NHS: variants seen among roughly 807,000 people sequenced by gnomAD.
NHS encodes NHS actin remodeling regulator.
In NHS, 5 loss-of-function variants were observed where a neutral mutation model predicts 72.5. That is an observed-to-expected ratio of 0.07 (90% CI 0.04 to 0.14). The LOEUF (loss-of-function observed/expected upper bound fraction) is 0.14. Ranked by LOEUF, NHS falls within the 10% of genes least tolerant of loss-of-function variation. The probability of loss-of-function intolerance (pLI) is 1.00; values close to 1 mark genes in which losing one functional copy is unlikely to be tolerated. For synonymous variants in NHS, 464 were observed against 547.7 expected (o/e 0.85, Z 2.13); for missense variants, 1,072 against 1,355.7 (o/e 0.79, Z 3.29).
At chrX:17,441,397 C>T (rs1453680610) in intron 1 of NHS, among the ~76,000 whole-genome samples, 3 of 112,270 alleles carry the variant, frequency 2.7e-5, no homozygotes, top group African/African-American at 6.5e-5. Flanking sequence ...GCACCTTACA[C>T]GATTCTCTTT....
intron 1 of NHS, among the ~76,000 whole-genome samples, chrX:17,679,862 G>C (rs760998103): frequency 6.1e-5 from 6 of 98,035 alleles, no homozygotes; most frequent in South Asian, 5.3e-4. Context: ...TGAAGAAAGG[G>C]GGGGGGGGTG....
At chrX:17,436,586 G>A (rs1187551606) in intron 1 of NHS, among the ~76,000 whole-genome samples, 4 of 106,603 alleles carry the variant, frequency 3.8e-5, no homozygotes, top group South Asian at 4.2e-4. Context: ...CCATTTTGCC[G>A]GGAGATTCTT....
chrX:17,461,839 G>A (rs1372804690), intron 1 of NHS, among the ~76,000 whole-genome samples: 1 of 112,506 alleles, frequency 8.9e-6, no homozygotes, highest in Non-Finnish European at 1.9e-5. Flanking sequence ...ATTGGTCAGG[G>A]TGACTTAATT....
chrX:17,435,545 T>C (rs2064717897), intron 1 of NHS, among the ~76,000 whole-genome samples: 1 of 112,302 alleles, frequency 8.9e-6, no homozygotes, highest in Non-Finnish European at 1.9e-5. Flanking sequence ...TCTCCTCCCC[T>C]GCCCTTGGTG....
intron 1 of NHS, among the ~76,000 whole-genome samples, chrX:17,640,794 A>C (rs1210130252): frequency 8.9e-6 from 1 of 112,454 alleles, no homozygotes; most frequent in Admixed American, 9.4e-5. Flanking sequence ...TTTTCGAATA[A>C]GGATGTGTTT....
chrX:17,602,684 CT>C (rs150537632), intron 1 of NHS, among the ~76,000 whole-genome samples: 18 of 104,220 alleles, frequency 1.7e-4, no homozygotes, highest in South Asian at 8.5e-4. Context: ...TTAACTTTGA[CT>C]TTTTTTTTTT....
At chrX:17,471,180 C>G (rs919863710) in intron 1 of NHS, among the ~76,000 whole-genome samples, 1 of 112,462 alleles carries the variant, frequency 8.9e-6, no homozygotes, top group Non-Finnish European at 1.9e-5. Flanking sequence ...TTTCAAAGAA[C>G]CAGCTTTTGG....
At chrX:17,409,279 GA>G (rs777332200) in intron 1 of NHS, among the ~76,000 whole-genome samples, 1 of 111,942 alleles carries the variant, frequency 8.9e-6, no homozygotes, top group Non-Finnish European at 1.9e-5. Flanking sequence ...TACTGTGTGT[GA>G]AGCATCTTAA....
At chrX:17,556,082 A>AT (rs1309110076) in intron 1 of NHS, among the ~76,000 whole-genome samples, 3 of 112,300 alleles carry the variant, frequency 2.7e-5, no homozygotes, top group African/African-American at 9.7e-5. Context: ...CCCAGACTAC[A>AT]TTTAAAGGGG....
intron 1 of NHS, among the ~76,000 whole-genome samples, chrX:17,391,398 G>C (rs2064444914): frequency 8.9e-6 from 1 of 112,093 alleles, no homozygotes; most frequent in South Asian, 3.7e-4. Flanking sequence ...ATAGAGTTGT[G>C]TAGATTAAGT....
chrX:17,541,442 A>G (rs977597410), intron 1 of NHS, among the ~76,000 whole-genome samples: 2 of 112,200 alleles, frequency 1.8e-5, no homozygotes, highest in African/African-American at 3.2e-5. Flanking sequence ...GAAGGTGAAC[A>G]GCTTAGTAAC....
At chrX:17,663,817 C>G (rs1311528878) in intron 1 of NHS, among the ~76,000 whole-genome samples, 2 of 111,678 alleles carry the variant, frequency 1.8e-5, no homozygotes, top group African/African-American at 6.5e-5. Context: ...TATCAGTTTG[C>G]ACTCTCATCA....
In NHS at chrX:17,733,087, A is replaced by G. The variant is rs1434364170; in HGVS notation, c.*623A>G. The G allele has an allele frequency of 8.7e-6, 1 of 114,495 alleles. No individual in the cohort carries two copies. Among genetic ancestry groups the G allele is most frequent in the East Asian group, 2.7e-4 (1 of 3,680 alleles). The allele number at this position is 114,495 out of a possible 1,213,427, so 9.4% of individuals were successfully genotyped here. ...AAATGCCATATTTAAATGTCCACCA[A>G]TATGATTTCTGAGTGGTAAACCTCA... On this transcript the variant is annotated 3_prime_UTR_variant, in exon 9 of 9. Coordinates refer to ENST00000676302, the MANE Select transcript of NHS (RefSeq NM_001291867.2).
chrX:17,499,202 G>A (rs1022997399), intron 1 of NHS, among the ~76,000 whole-genome samples: 9 of 110,946 alleles, frequency 8.1e-5, no homozygotes, highest in African/African-American at 3.0e-4. Flanking sequence ...CCTATGGTTG[G>A]CTAGGATACT....
chrX:17,467,369 A>G (rs971836822), intron 1 of NHS, among the ~76,000 whole-genome samples: 72 of 111,838 alleles, frequency 6.4e-4, no homozygotes, highest in African/African-American at 2.3e-3. Context: ...GGTTTCATTT[A>G]AAACTAAACA....
chrX:17,582,372 G>C (rs1350902767), intron 1 of NHS, among the ~76,000 whole-genome samples: 1 of 111,927 alleles, frequency 8.9e-6, no homozygotes, highest in African/African-American at 3.3e-5. Context: ...ACTAAGAATT[G>C]ATATATTTAT....
At chrX:17,513,310 C>G (rs1254492312) in intron 1 of NHS, among the ~76,000 whole-genome samples, 1 of 111,892 alleles carries the variant, frequency 8.9e-6, no homozygotes, top group Admixed American at 9.5e-5. Context: ...TATTCTACAA[C>G]TTCTTTAATC....
At chrX:17,376,461 T>G in intron 1 of NHS, 139 bp downstream of exon 1, 1 of 562,395 alleles carries the variant, frequency 1.8e-6, no homozygotes, top group Non-Finnish European at 2.9e-6. Context: ...CTTCCCACCC[T>G]TCCCATCCCC....
Position 17,727,271 on chromosome X carries a change from A to G in NHS, c.3165A>G (p.Lys1055=), listed in dbSNP as rs772410244. The G allele has an allele frequency of 8.3e-7, 1 of 1,211,475 alleles. No individual in the cohort carries two copies. The highest frequency in any genetic ancestry group is 3.0e-5 in the East Asian group (1 of 33,855). ...CCGGAGGTAGCAAAAGAAAACCTAA[A>G]GTCCCAGAAAGAAAATCCTCACTAC... The part of the protein sequence containing the change: ...LSPGGSKRKP[K]VPERKSSLQQ... Residue 1055 remains lysine (K), a synonymous_variant, in exon 7 of 9, where the codon AAA becomes AAG. Transcript: ENST00000676302.
Sources: allele counts gnomAD v4.1 joint callset (sites outside exome capture counted in the v4.1 genomes callset), GRCh38; gene constraint gnomAD v4.1.1; transcripts MANE v1.5; gene names NCBI Gene and HGNC (gene_info 2026-07-23, HGNC 2026-07-21).